ANKRD50: variants seen among roughly 807,000 people sequenced by gnomAD.
The protein encoded by ANKRD50 is ankyrin repeat domain-containing protein 50.
Under a neutral mutation model 112.0 loss-of-function variants are expected in ANKRD50, and 40 were observed. That is an observed-to-expected ratio of 0.36 (90% confidence interval 0.28 to 0.46). The LOEUF is 0.46. ANKRD50 is among the 20% of genes least tolerant of loss of function. The pLI is 1.00. For synonymous variants in ANKRD50, 613 were observed against 619.1 expected, an observed-to-expected ratio of 0.99 and a Z score of 0.15; for missense variants, 1,487 against 1,701.7, an observed-to-expected ratio of 0.87 and a Z score of 2.22.
chr4:124,677,418 T>G (rs1730797837), intron 3 of ANKRD50, among the ~76,000 whole-genome samples: 1 of 151,850 alleles, frequency 6.6e-6, no homozygotes, highest in East Asian at 1.9e-4. Flanking sequence ...TAAAAAGAGA[T>G]TTATTGATGG....
intron 3 of ANKRD50, among the ~76,000 whole-genome samples, chr4:124,673,113 C>T (rs10518442): frequency 6.6e-6 from 1 of 151,838 alleles, no homozygotes; most frequent in Non-Finnish European, 1.5e-5. Flanking sequence ...TAGCTTGAAC[C>T]AATTAAGATC....
intron 2 of ANKRD50, among the ~76,000 whole-genome samples, chr4:124,704,965 G>A (rs1409040748): frequency 6.6e-6 from 1 of 151,986 alleles, no homozygotes; most frequent in Non-Finnish European, 1.5e-5. Context: ...GTGGTGGTGG[G>A]TGCCTATAGT....
In ANKRD50 at chr4:124,701,790, G is replaced by A. The variant is rs576686423; in HGVS notation, c.512+8210C>T. On this transcript the variant is annotated intron_variant, in intron 2 of 4. Coordinates refer to ENST00000504087, the MANE Select transcript of ANKRD50 (RefSeq NM_020337.3). ...ATCCTTCCACCTCAGCCTCCCACACGTGTGAGCAACCACACCCAGCCAAAG... is the reference window on the plus strand; with the variant it reads ...ATCCTTCCACCTCAGCCTCCCACACATGTGAGCAACCACACCCAGCCAAAG... Among the ~76,000 whole-genome samples, 8 of 151,612 alleles carry A rather than the reference G, an allele frequency of 5.3e-5. No homozygotes were observed. In the South Asian group the frequency reaches 1.2e-3, roughly 24 times the overall value.
chr4:124,683,106 T>C (rs923879966), intron 2 of ANKRD50, among the ~76,000 whole-genome samples: 2 of 151,854 alleles, frequency 1.3e-5, no homozygotes, highest in Non-Finnish European at 2.9e-5. Context: ...TATACCCATA[T>C]ATGTAATGTG....
intron 2 of ANKRD50, among the ~76,000 whole-genome samples, chr4:124,692,099 A>G (rs1291826271): frequency 1.3e-5 from 2 of 152,226 alleles, no homozygotes; most frequent in Non-Finnish European, 2.9e-5. Flanking sequence ...GATGACACAT[A>G]AATGAATTTC....
chr4:124,679,404 T>C (rs1393544525), intron 2 of ANKRD50, among the ~76,000 whole-genome samples: 1 of 152,178 alleles, frequency 6.6e-6, no homozygotes, highest in Non-Finnish European at 1.5e-5. Flanking sequence ...TTCCACAAAT[T>C]TTATTTTAAA....
At chr4:124,685,614 C>T (rs1271772706) in intron 2 of ANKRD50, among the ~76,000 whole-genome samples, 7 of 151,870 alleles carry the variant, frequency 4.6e-5, no homozygotes, top group South Asian at 4.2e-4. Flanking sequence ...TAATGACAGT[C>T]GGTTATCACA....
At chr4:124,668,154 A>G (rs1009745574) in intron 4 of ANKRD50, among the ~76,000 whole-genome samples, 3 of 151,838 alleles carry the variant, frequency 2.0e-5, no homozygotes, top group African/African-American at 4.8e-5. Context: ...TTACATACCT[A>G]TTTTCCCACT....
intron 2 of ANKRD50, among the ~76,000 whole-genome samples, chr4:124,688,633 G>A (rs1725060711): frequency 6.6e-6 from 1 of 152,054 alleles, no homozygotes; most frequent in African/African-American, 2.4e-5. Flanking sequence ...TCCTCCATAT[G>A]TGCAATATTG....
rs768520765 is a variant in ANKRD50, at chr4:124,669,885, A to G, written c.3392T>C (p.Leu1131Ser). ...ACCAGAGCTATTTGATTTAATTGTTAATGACTGCACTTTTGAAGACAATGA... is the reference window on the plus strand; with the variant it reads ...ACCAGAGCTATTTGATTTAATTGTTGATGACTGCACTTTTGAAGACAATGA... ...LQSLSSKVQS[L>S]TIKSNSSGST... Residue 1131 changes from leucine (L) to serine (S), a missense_variant, in exon 4 of 5, where the codon TTA becomes TCA. Around this residue, in one of 2 missense-constraint regions of ANKRD50, gnomAD observed 441 missense variants for 432.2 expected, o/e 1.02. Transcript: ENST00000504087. 5 of 1,613,294 alleles carry G rather than the reference A, an allele frequency of 3.1e-6. No homozygotes were observed. Among genetic ancestry groups the G allele is most frequent in the Non-Finnish European group, 4.2e-6 (5 of 1,179,742 alleles).
Position 124,686,608 on chromosome 4 carries a change from C to T in ANKRD50, c.513-7703G>A, listed in dbSNP as rs558716282. 1.2e-4 allele frequency among the ~76,000 whole-genome samples: 19 copies of T among 152,180 alleles called. No individual in the cohort carries two copies. The East Asian group carries it at 2.7e-3, about 22-fold the overall frequency. The stretch of plus-strand genomic sequence containing the variant: ...TCCTTGAGGCACAAGTGAAACCCAC[C>T]GCAGCCTACAGCAACGGGATGGGCA... On this transcript the variant is annotated intron_variant, in intron 2 of 4. Transcript: ENST00000504087.
At chr4:124,692,064 C>T (rs1478084810) in intron 2 of ANKRD50, among the ~76,000 whole-genome samples, 1 of 152,120 alleles carries the variant, frequency 6.6e-6, no homozygotes, top group Non-Finnish European at 1.5e-5. Context: ...AAAAAATTAC[C>T]TTCAGGCTAT....
intron 2 of ANKRD50, among the ~76,000 whole-genome samples, chr4:124,688,013 T>C (rs369938266): frequency 9.8e-5 from 15 of 152,292 alleles, no homozygotes; most frequent in African/African-American, 3.6e-4. Context: ...GAACTGAAAA[T>C]GTATGGCCAC....
chr4:124,709,604 G>A (rs1725583869), intron 2 of ANKRD50, among the ~76,000 whole-genome samples: 1 of 150,534 alleles, frequency 6.6e-6, no homozygotes, highest in Non-Finnish European at 1.5e-5. Context: ...CTACTATAAG[G>A]AAAAAAATAA....
At chr4:124,696,979 A>T (rs1200202621) in intron 2 of ANKRD50, among the ~76,000 whole-genome samples, 1 of 152,194 alleles carries the variant, frequency 6.6e-6, no homozygotes, top group Non-Finnish European at 1.5e-5. Flanking sequence ...TACTTCACCA[A>T]ATCAAATCCA....
In ANKRD50 at chr4:124,671,389, G is replaced by A. The variant is rs764483265; in HGVS notation, c.1888C>T (p.Leu630=). The part of the protein sequence containing the change: ...WGGHTEVVSA[L]LYAGVKVDCA... ...TCCACTTTTACGCCAGCATAAAGTAGTGCAGAAACTACCTCAGTATGGCCA... is the reference window on the plus strand; with the variant it reads ...TCCACTTTTACGCCAGCATAAAGTAATGCAGAAACTACCTCAGTATGGCCA... Residue 630 remains leucine, a synonymous_variant, in exon 4 of 5, where the codon CTA becomes TTA. Coordinates refer to ENST00000504087, the MANE Select transcript of ANKRD50 (RefSeq NM_020337.3). 3.1e-6 allele frequency: 5 copies of A among 1,613,874 alleles called. No homozygotes were observed. Among genetic ancestry groups the A allele is most frequent in the East Asian group, 2.2e-5 (1 of 44,840 alleles).
intron 2 of ANKRD50, among the ~76,000 whole-genome samples, chr4:124,684,900 C>CA (rs1724973084): frequency 6.6e-6 from 1 of 152,024 alleles, no homozygotes; most frequent in South Asian, 2.1e-4. Context: ...TTTTCCCCCC[C>CA]ATTCAGGACC....
At chr4:124,711,467 T>A (rs980149063) in intron 1 of ANKRD50, among the ~76,000 whole-genome samples, 193 bp from the exon 2 acceptor site, 3 of 152,202 alleles carry the variant, frequency 2.0e-5, no homozygotes, top group African/African-American at 7.2e-5. Flanking sequence ...TTCTTCCTCA[T>A]TGTTATGCTT....
chr4:124,672,398 A>T lies in ANKRD50; in HGVS notation c.879T>A (p.Asn293Lys), dbSNP rs756863421. The T allele has an allele frequency of 1.2e-6, 2 of 1,613,336 alleles. No homozygotes were observed. Among genetic ancestry groups the T allele is most frequent in the Non-Finnish European group, 1.7e-6 (2 of 1,179,738 alleles). The change falls in exon 4 of 5, where the codon AAT becomes AAA. Residue 293 changes from asparagine to lysine, a missense_variant. By Grantham distance (94) the Asn-to-Lys change is moderately conservative (BLOSUM62 0). Transcript: ENST00000504087. ...HLTKETAEML[N>K]QLHIKSSGCF... ...ATCCACTGCTTTTAATGTGCAGTTG[A>T]TTTAACATCTCTGCAGTTTCTTTTG...
Sources: gnomAD v4.1 joint callset for allele counts (sites outside exome capture counted in the v4.1 genomes callset) on GRCh38, gnomAD v4.1.1 for gene constraint, gnomAD v4.1.1 regional missense constraint, MANE v1.5 for transcripts, NCBI Gene and HGNC (gene_info 2026-07-23, HGNC 2026-07-21) for gene names.